DAXX: variants seen among roughly 807,000 people sequenced by gnomAD.
DAXX encodes death domain-associated protein 6.
In DAXX, 24 loss-of-function variants were observed where a neutral mutation model predicts 61.9. The ratio of observed to expected loss-of-function variants is 0.39; its 90% CI spans 0.28 to 0.55. DAXX has a LOEUF of 0.55. Among genes scored for constraint, DAXX ranks in the 20% least tolerant of loss-of-function variants. DAXX has a pLI of 0.69. For synonymous variants in DAXX, 357 were observed against 369.5 expected, an observed-to-expected ratio of 0.97 and a Z score of 0.39; for missense variants, 819 against 935.3, an observed-to-expected ratio of 0.88 and a Z score of 1.62.
rs780057378 is a variant in DAXX, at chr6:33,320,597, T to C, written c.1040-6A>G. 1.2e-6 allele frequency: 2 copies of C among 1,612,678 alleles called. No homozygotes were observed. Among genetic ancestry groups the C allele is most frequent in the Admixed American group, 1.7e-5 (1 of 59,832 alleles). On this transcript the variant is annotated splice_polypyrimidine_tract_variant and splice_region_variant and intron_variant, in intron 3 of 7. Transcript: ENST00000374542. The surrounding 1 kb of genome is among the most constrained non-coding windows in gnomAD (Gnocchi z 7.1). ...TGATAGTGCAGGGTCAACGCCTACGTGGGAAGACATAAAGTCAGAGCACTC... is the reference window on the plus strand; with the variant it reads ...TGATAGTGCAGGGTCAACGCCTACGCGGGAAGACATAAAGTCAGAGCACTC...
rs1299032131 is a variant in DAXX at position 33,321,814 on chromosome 6, C to A, written c.112G>T (p.Ala38Ser). 6.2e-7 allele frequency: 1 copy of A among 1,611,712 alleles called. No individual in the cohort carries two copies. Among genetic ancestry groups the A allele is most frequent in the East Asian group, 2.2e-5 (1 of 44,872 alleles). The change falls in exon 2 of 8, where the codon GCC (alanine) becomes TCC (serine). Residue 38 changes from alanine to serine, a missense_variant. By Grantham distance (99) the Ala-to-Ser change is moderately conservative (BLOSUM62 1). Coordinates refer to ENST00000374542, the MANE Select transcript of DAXX (RefSeq NM_001141969.2). This position sits in a 1 kb window ranked among gnomAD's most constrained non-coding sequence, Gnocchi z 7.2. Reference sequence around the variant, plus strand: ...CCATGAGGCTCAGAGGAGCTAGGGGCTTCTGCCCCAGGTGAGGCCGCATTG... The same window carrying A: ...CCATGAGGCTCAGAGGAGCTAGGGGATTCTGCCCCAGGTGAGGCCGCATTG... ...LPNAASPGAE[A>S]PSSSEPHGAR...
rs766097275 is a variant in DAXX, at chr6:33,319,889, G to C, written c.1466-35C>G. Reference sequence around the variant, plus strand: ...AAGAAAAGGGGAGAGGGTAGCCTGAGAATGAGGGGGAAAAAATACTGCTGA... The same window carrying C: ...AAGAAAAGGGGAGAGGGTAGCCTGACAATGAGGGGGAAAAAATACTGCTGA... On this transcript the variant is annotated intron_variant, in intron 5 of 7. Coordinates refer to ENST00000374542, the MANE Select transcript of DAXX (RefSeq NM_001141969.2). 15 of 1,595,560 alleles carry C rather than the reference G, an allele frequency of 9.4e-6. No homozygotes were observed. The South Asian group carries it at 1.5e-4, about 16-fold the overall frequency.
At position 33,320,033 on chromosome 6, in the gene DAXX, G is replaced by GTCCTCCTCTTCATCA. The variant is rs1562722206; in HGVS notation, c.1428_1442dup (p.Asp477_Asp481dup). 6.2e-7 allele frequency: 1 copy of GTCCTCCTCTTCATCA among 1,613,282 alleles called. No homozygotes were observed. The highest frequency in any genetic ancestry group is 1.3e-5 in the African/African-American group (1 of 74,974). ...TACCTGCTGCTGCTTCTTCCTCTTC[G>GTCCTCCTCTTCATCA]TCCTCCTCTTCATCATCCTCCTGAC... On this transcript the variant is annotated inframe_insertion, in exon 5 of 8. Transcript: ENST00000374542. The surrounding 1 kb of genome is among the most constrained non-coding windows in gnomAD (Gnocchi z 7.1).
rs141395832 is a variant in DAXX at position 33,319,743 on chromosome 6, C to G, written c.1577G>C (p.Arg526Pro). The G allele has an allele frequency of 1.2e-6, 2 of 1,614,210 alleles. No homozygotes were observed. The highest frequency in any genetic ancestry group is 3.3e-4 in the Middle Eastern group (2 of 6,062). ...TGACAGTAACGATGGTGACACTATG[C>G]GTCCTTTGTTTTGCTGCTCCCCTGA... ...RSSGEQQNKG[R>P]IVSPSLLSEE... Residue 526 changes from arginine (R) to proline (P), a missense_variant, in exon 6 of 8, where the codon CGC becomes CCC. Coordinates refer to ENST00000374542, the MANE Select transcript of DAXX (RefSeq NM_001141969.2).
At position 33,321,698 on chromosome 6, in the gene DAXX, A is replaced by G. The variant is rs778720780; in HGVS notation, c.207+21T>C. 1.9e-6 allele frequency: 3 copies of G among 1,611,476 alleles called. No homozygotes were observed. On this transcript the variant is annotated intron_variant, in intron 2 of 7. Coordinates refer to ENST00000374542, the MANE Select transcript of DAXX (RefSeq NM_001141969.2). This position sits in a 1 kb window ranked among gnomAD's most constrained non-coding sequence, Gnocchi z 7.2. ...CCATCCCCCTCCCTGGGGTACAACA[A>G]TCTTCCCCGCTAAAGCTCACCTCTT...
rs190281084 is a variant in DAXX at position 33,320,306 on chromosome 6, A to G, written c.1251+74T>C. 1.7e-5 allele frequency: 25 copies of G among 1,430,912 alleles called. No individual in the cohort carries two copies. The African/African-American group carries it at 3.2e-4, about 18-fold the overall frequency. The allele number at this position is 1,430,912 out of a possible 1,614,324, so 88.6% of individuals were successfully genotyped here. On this transcript the variant is annotated intron_variant, in intron 4 of 7. Coordinates refer to ENST00000374542, the MANE Select transcript of DAXX (RefSeq NM_001141969.2). This position sits in a 1 kb window ranked among gnomAD's most constrained non-coding sequence, Gnocchi z 7.1. The stretch of plus-strand genomic sequence containing the variant: ...GCTTTCCTTCTCATGCTCCCCCATC[A>G]GTCAACCTGGACTCCCTGGTGGCCA...
At position 33,321,151 on chromosome 6, in the gene DAXX, C is replaced by A; in HGVS notation, c.624G>T (p.Lys208Asn). Residue 208 changes from lysine (K) to asparagine (N), a missense_variant, in exon 3 of 8, where the codon AAG (lysine) becomes AAT (asparagine). Physicochemically the swap from Lys to Asn is moderately conservative, Grantham distance 94. Transcript: ENST00000374542. The surrounding 1 kb of genome is among the most constrained non-coding windows in gnomAD (Gnocchi z 7.2). ...CATCCAATTCTGAGAGATCCAACTCCTTTTCCTGCAGCCGCCGGATCTCTG... is the reference window on the plus strand; with the variant it reads ...CATCCAATTCTGAGAGATCCAACTCATTTTCCTGCAGCCGCCGGATCTCTG... Reference protein sequence around the residue: ...YVAEIRRLQEKELDLSELDDP... With the variant: ...YVAEIRRLQENELDLSELDDP... The A allele has an allele frequency of 6.2e-7, 1 of 1,613,848 alleles. No individual in the cohort carries two copies. The highest frequency in any genetic ancestry group is 8.5e-7 in the Non-Finnish European group (1 of 1,179,756).
Position 33,319,401 on chromosome 6 carries a change from C to T in DAXX, c.1919G>A (p.Gly640Glu), listed in dbSNP as rs1243318383. ...KKSRKEKKQT[G>E]SGPLGNSYVE... Reference sequence around the variant, plus strand: ...TTACCTGTTTCCTAATGGCCCTGATCCTGTTTGCTTCTTCTCCTTCCGAGA... The same window carrying T: ...TTACCTGTTTCCTAATGGCCCTGATTCTGTTTGCTTCTTCTCCTTCCGAGA... Residue 640 changes from glycine to glutamate, a missense_variant, in exon 6 of 8, where the codon GGA becomes GAA. Gly to Glu is a moderately conservative substitution (Grantham distance 98). Transcript: ENST00000374542. 6.2e-7 allele frequency: 1 copy of T among 1,612,536 alleles called. No homozygotes were observed. The highest frequency in any genetic ancestry group is 8.5e-7 in the Non-Finnish European group (1 of 1,179,892).
intron 1 of DAXX, 87 bp downstream of exon 1, chr6:33,322,775 C>T (rs1770788947): frequency 1.6e-6 from 1 of 611,912 alleles, no homozygotes; most frequent in Non-Finnish European, 2.9e-6. Flanking sequence ...ACAGCTTTCC[C>T]CTCAGACTCA....
Position 33,319,137 on chromosome 6 carries a change from A to G in DAXX, c.2023T>C (p.Ser675Pro), listed in dbSNP as rs754567232. 6.2e-7 allele frequency: 1 copy of G among 1,614,190 alleles called. No individual in the cohort carries two copies. Among genetic ancestry groups the G allele is most frequent in the Non-Finnish European group, 8.5e-7 (1 of 1,180,024 alleles). Residue 675 changes from serine (S) to proline (P), a missense_variant, in exon 7 of 8, where the codon TCC becomes CCC. Coordinates refer to ENST00000374542, the MANE Select transcript of DAXX (RefSeq NM_001141969.2). Reference sequence around the variant, plus strand: ...GAGGAATCAGCAACTGGGGCCAAGGAAGCCAAGGGGGAAGGTGGGCTGGGC... The same window carrying G: ...GAGGAATCAGCAACTGGGGCCAAGGGAGCCAAGGGGGAAGGTGGGCTGGGC... Reference protein sequence around the residue: ...TLPSPPSPLASLAPVADSSTR... With the variant: ...TLPSPPSPLAPLAPVADSSTR...
chr6:33,318,708 C>G lies in DAXX; in HGVS notation c.*35G>C. On this transcript the variant is annotated 3_prime_UTR_variant, in exon 8 of 8. Transcript: ENST00000374542. ...TCCCACCTTCCTCCAAATGTTATCC[C>G]AGAACATTCTGGAGGCAGGGAGAAG... is the stretch of plus-strand genomic sequence containing the variant. 1 of 1,091,380 alleles carries G rather than the reference C, an allele frequency of 9.2e-7. No individual in the cohort carries two copies. The highest frequency in any genetic ancestry group is 1.3e-6 in the Non-Finnish European group (1 of 743,670). The allele number at this position is 1,091,380 out of a possible 1,614,324, so 67.6% of individuals were successfully genotyped here. A position where few individuals can be genotyped will look rare whatever the true frequency, so the allele number is the denominator to read the frequency against.
At chr6:33,322,018 A>T in intron 1 of DAXX, 41 bp from the exon 2 acceptor site, 1 of 1,433,888 alleles carries the variant, frequency 7.0e-7, no homozygotes, top group Non-Finnish European at 9.3e-7. Context: ...CCTCCAGCAT[A>T]GCCCCATCCC....
chr6:33,319,425 G>C lies in DAXX; in HGVS notation c.1895C>G (p.Ser632Cys). 1.2e-6 allele frequency: 2 copies of C among 1,613,234 alleles called. No homozygotes were observed. Among genetic ancestry groups the C allele is most frequent in the Non-Finnish European group, 8.5e-7 (1 of 1,179,988 alleles). Reference protein sequence around the residue: ...WGDSGPPCKKSRKEKKQTGSG... With the variant: ...WGDSGPPCKKCRKEKKQTGSG... ...TCCTGTTTGCTTCTTCTCCTTCCGA[G>C]ATTTTTTGCAGGGGGGACCAGAATC... The change falls in exon 6 of 8, where the codon TCT becomes TGT. Residue 632 changes from serine (S) to cysteine (C), a missense_variant. Transcript: ENST00000374542.
At chr6:33,322,261 G>C (rs1770727389) in intron 1 of DAXX, among the ~76,000 whole-genome samples, 1 of 150,734 alleles carries the variant, frequency 6.6e-6, no homozygotes, top group Non-Finnish European at 1.5e-5. Context: ...TCTTAGAGTT[G>C]GCAAGTTGAT....
chr6:33,319,820 T>C lies in DAXX; in HGVS notation c.1500A>G (p.Leu500=). 2 of 1,613,514 alleles carry C rather than the reference T, an allele frequency of 1.2e-6. No individual in the cohort carries two copies. The highest frequency in any genetic ancestry group is 1.7e-6 in the Non-Finnish European group (2 of 1,179,800). The change falls in exon 6 of 8, where the codon CTA becomes CTG. Residue 500 remains leucine (L), a synonymous_variant. Coordinates refer to ENST00000374542, the MANE Select transcript of DAXX (RefSeq NM_001141969.2). ...KDGDKSPMSS[L]QISNEKNLEP... ...CCAGGTTCTTTTCATTGGAGATCTG[T>C]AGTGAGGACATGGGGCTCTTGTCTC...
At position 33,321,890 on chromosome 6, in the gene DAXX, A is replaced by G. The variant is rs1256561732; in HGVS notation, c.36T>C (p.Asp12=). Residue 12 remains aspartate (D), a synonymous_variant, in exon 2 of 8, where the codon GAT becomes GAC. Coordinates refer to ENST00000374542, the MANE Select transcript of DAXX (RefSeq NM_001141969.2). This position sits in a 1 kb window ranked among gnomAD's most constrained non-coding sequence, Gnocchi z 7.2. ...GAGCAGCTGCTTCATCTTCGTCATC[A>G]TCATCCAGCACGATGATGCTGTTAG... ...ATANSIIVLD[D]DDEDEAAAQP... The G allele has an allele frequency of 6.2e-7, 1 of 1,611,150 alleles. No homozygotes were observed. The highest frequency in any genetic ancestry group is 1.3e-5 in the African/African-American group (1 of 74,860).
Position 33,319,226 on chromosome 6 carries a change from A to C in DAXX, c.1941-7T>G. ...CCTTTGCCTTTCCACATAGCTAGAA[A>C]CAGAAACATAAATATGTGGAGGGGT... On this transcript the variant is annotated splice_polypyrimidine_tract_variant and splice_region_variant and intron_variant, in intron 6 of 7. Coordinates refer to ENST00000374542, the MANE Select transcript of DAXX (RefSeq NM_001141969.2). 1 of 1,589,998 alleles carries C rather than the reference A, an allele frequency of 6.3e-7. No homozygotes were observed. The highest frequency in any genetic ancestry group is 8.6e-7 in the Non-Finnish European group (1 of 1,164,808).
intron 6 of DAXX, 36 bp downstream of exon 6, chr6:33,319,343 TC>T: frequency 6.3e-7 from 1 of 1,590,476 alleles, no homozygotes; most frequent in Non-Finnish European, 8.6e-7. Flanking sequence ...CTGCAATCCC[TC>T]CTTGGCTTCC....
In DAXX at chr6:33,320,459, C is replaced by A; in HGVS notation, c.1172G>T (p.Arg391Ile). The A allele has an allele frequency of 6.2e-7, 1 of 1,613,782 alleles. No individual in the cohort carries two copies. The highest frequency in any genetic ancestry group is 8.5e-7 in the Non-Finnish European group (1 of 1,179,712). ...MLQDKSEEGERKKRRARLQGT... is the reference protein window; with the variant it reads ...MLQDKSEEGEIKKRRARLQGT... ...TTGGAGCCGAGCTCTTCTCTTTTTT[C>A]TCTCGCCCTCCTCACTTTTGTCTTG... The change falls in exon 4 of 8, where the codon AGA becomes ATA. Residue 391 changes from arginine to isoleucine, a missense_variant. Transcript: ENST00000374542. This position sits in a 1 kb window ranked among gnomAD's most constrained non-coding sequence, Gnocchi z 7.1.
Sources: allele counts gnomAD v4.1 joint callset (sites outside exome capture counted in the v4.1 genomes callset), GRCh38; gene constraint gnomAD v4.1.1; non-coding constraint Gnocchi (gnomAD v3.1); transcripts MANE v1.5; gene names NCBI Gene and HGNC (gene_info 2026-07-23, HGNC 2026-07-21).